The following PRSS23 variants were observed in gnomAD, a reference collection of about 807,000 sequenced individuals.
PRSS23 encodes the protein protease, serine 23.
PRSS23 carries 25 observed loss-of-function variants against 34.7 expected under a neutral mutation model. The observed-to-expected ratio is 0.72, with a 90% confidence interval of 0.53 to 1.01. The LOEUF is 1.01. Ranked by LOEUF, PRSS23 falls within the 50% of genes least tolerant of loss-of-function variation. PRSS23 has a pLI of 0.00. For missense variants in PRSS23, 445 were observed against 475.6 expected, an observed-to-expected ratio of 0.94 and a Z score of 0.60; for synonymous variants, 176 against 186.6, an observed-to-expected ratio of 0.94 and a Z score of 0.46.
rs533053203 is a variant in PRSS23 at position 86,884,530 on chromosome 11, CCTCAGGTGAT to C, written c.206+60940_206+60949del. On this transcript the variant is annotated intron_variant, in intron 2 of 2. Transcript: ENST00000533902. The stretch of plus-strand genomic sequence containing the variant: ...GGCCAAGCTGGTCTCGAACTCCTGA[CCTCAGGTGAT>C]CTGCCCCCAACCTGGCCTCCCAAAG... Among the ~76,000 whole-genome samples the C allele has an allele frequency of 1.3e-3, 196 of 152,280 alleles. 1 individual carries two copies. The highest frequency in any genetic ancestry group is 2.6e-4 in the Non-Finnish European group (18 of 68,026).
intron 2 of PRSS23, among the ~76,000 whole-genome samples, chr11:86,916,052 C>A (rs1409726645): frequency 6.6e-6 from 1 of 152,038 alleles, no homozygotes; most frequent in Admixed American, 6.6e-5. Context: ...AGGACTCTGT[C>A]TCAAAACAAA....
Position 86,939,423 on chromosome 11 carries a change from TA to T in PRSS23, c.207-11792del, listed in dbSNP as rs573740719. Among the ~76,000 whole-genome samples, 280 of 100,418 alleles carry T rather than the reference TA, an allele frequency of 2.8e-3. 3 individuals carry two copies. The highest frequency in any genetic ancestry group is 0.012 in the South Asian group (36 of 3,104). The allele number at this position is 100,418 out of a possible 152,430, so 65.9% of individuals were successfully genotyped here. ...AAAAAAATATATATATATATATATA[TA>T]TATTTTTTAACATGAGTAAAAATTG... On this transcript the variant is annotated intron_variant, in intron 2 of 2. Transcript: ENST00000533902.
chr11:86,911,336 T>C (rs1289347385), intron 2 of PRSS23: 1 of 152,202 alleles, frequency 6.6e-6, no homozygotes, highest in Non-Finnish European at 1.5e-5. Context: ...TATAAATACA[T>C]GGGGTACATG....
intron 2 of PRSS23, chr11:86,832,659 A>G (rs1316327328): frequency 4.6e-6 from 2 of 431,452 alleles, no homozygotes; most frequent in Non-Finnish European, 9.1e-6. Flanking sequence ...CTGGGGGAAG[A>G]TGACACATCT....
At chr11:86,936,276 AT>A (rs200032295) in intron 2 of PRSS23, 4 of 151,032 alleles carry the variant, frequency 2.6e-5, no homozygotes, top group Admixed American at 1.3e-4. Flanking sequence ...CAATTACTTT[AT>A]TTTTTTTTGA....
In PRSS23 at chr11:86,808,691, G is replaced by A; in HGVS notation, c.1048G>A (p.Gly350Ser). 6.2e-7 allele frequency: 1 copy of A among 1,614,138 alleles called. No individual in the cohort carries two copies. Residue 350 changes from glycine to serine, a missense_variant, in exon 2 of 2, where the codon GGT (glycine) becomes AGT (serine). Gly to Ser is a moderately conservative substitution (Grantham distance 56, BLOSUM62 0). Coordinates refer to ENST00000280258, the MANE Select transcript of PRSS23 (RefSeq NM_007173.6). Reference protein sequence around the residue: ...FSGHQWVDMNGSPQDFNVAVR... With the variant: ...FSGHQWVDMNSSPQDFNVAVR... ...AGGGCACCAGTGGGTGGACATGAATGGTTCCCCACAGGATTTCAACGTGGC... is the reference window on the plus strand; with the variant it reads ...AGGGCACCAGTGGGTGGACATGAATAGTTCCCCACAGGATTTCAACGTGGC...
At chr11:86,852,392 T>C (rs1312342076) in intron 2 of PRSS23, among the ~76,000 whole-genome samples, 2 of 152,154 alleles carry the variant, frequency 1.3e-5, no homozygotes, top group South Asian at 2.1e-4. Context: ...GATTTCCTCA[T>C]AATAATGCAA....
At chr11:86,863,680 G>A (rs1419299524) in intron 2 of PRSS23, among the ~76,000 whole-genome samples, 1 of 152,140 alleles carries the variant, frequency 6.6e-6, no homozygotes, top group Non-Finnish European at 1.5e-5. Context: ...CCACTTACCA[G>A]ATTTTCCTGG....
At chr11:86,886,776 T>A (rs997354609) in intron 2 of PRSS23, among the ~76,000 whole-genome samples, 2 of 151,940 alleles carry the variant, frequency 1.3e-5, no homozygotes, top group African/African-American at 4.8e-5. Context: ...CCATCTTTAC[T>A]AAAAATACAA....
At chr11:86,913,850 G>A (rs1235673460) in intron 2 of PRSS23, among the ~76,000 whole-genome samples, 1 of 151,292 alleles carries the variant, frequency 6.6e-6, no homozygotes, top group Non-Finnish European at 1.5e-5. Context: ...GGGAGTGATA[G>A]GACAACAGGG....
At chr11:86,830,369 AC>A (rs1352997966) in intron 2 of PRSS23, among the ~76,000 whole-genome samples, 9 of 152,016 alleles carry the variant, frequency 5.9e-5, no homozygotes, top group African/African-American at 2.2e-4. Flanking sequence ...GGTGGGAGTG[AC>A]CCGATTTTCC....
At chr11:86,867,828 G>A (rs1948659936) in intron 2 of PRSS23, among the ~76,000 whole-genome samples, 1 of 144,496 alleles carries the variant, frequency 6.9e-6, no homozygotes, top group Non-Finnish European at 1.5e-5. Flanking sequence ...AGTGAGCTGA[G>A]GTTGTGCCAC....
chr11:86,861,683 A>AC (rs1948616499), intron 2 of PRSS23, among the ~76,000 whole-genome samples: 1 of 149,162 alleles, frequency 6.7e-6, no homozygotes. Flanking sequence ...TTTTTATTCT[A>AC]CCCAAGGGGG....
chr11:86,876,677 C>A (rs1044087215), intron 2 of PRSS23, among the ~76,000 whole-genome samples: 1 of 151,908 alleles, frequency 6.6e-6, no homozygotes, highest in African/African-American at 2.4e-5. Flanking sequence ...ATTCGTGATT[C>A]CTATGCTCAT....
chr11:86,803,017 G>A (rs1348005262), intron 1 of PRSS23, among the ~76,000 whole-genome samples: 1 of 152,150 alleles, frequency 6.6e-6, no homozygotes, highest in Non-Finnish European at 1.5e-5. Flanking sequence ...AATAGTTTCT[G>A]TATTACTAAG....
intron 1 of PRSS23, among the ~76,000 whole-genome samples, chr11:86,804,300 T>C (rs1565349024): frequency 6.6e-6 from 1 of 152,214 alleles, no homozygotes; most frequent in South Asian, 2.1e-4. Context: ...CTAATCAGTT[T>C]GAAGTAATTT....
At chr11:86,896,743 T>C (rs1355311574) in intron 2 of PRSS23, among the ~76,000 whole-genome samples, 2 of 152,244 alleles carry the variant, frequency 1.3e-5, no homozygotes, top group Non-Finnish European at 2.9e-5. Context: ...TCTTCTTGGA[T>C]CAAATTCATC....
At chr11:86,806,647 T>C (rs58399373) in intron 1 of PRSS23, among the ~76,000 whole-genome samples, 16,496 of 152,312 alleles carry the variant, frequency 0.11, 1,047 homozygotes, top group Non-Finnish European at 0.13. Context: ...ACTCCCACAA[T>C]TGGCCTCAAG....
chr11:86,873,935 CTGTGT>C (rs1265371728), intron 2 of PRSS23, among the ~76,000 whole-genome samples: 2 of 152,094 alleles, frequency 1.3e-5, no homozygotes, highest in Non-Finnish European at 2.9e-5. Flanking sequence ...TGTGAAGTTC[CTGTGT>C]TATTCTGAGT....
Sources: allele counts gnomAD v4.1 joint callset (sites outside exome capture counted in the v4.1 genomes callset), GRCh38; gene constraint gnomAD v4.1.1; transcripts MANE v1.5; gene names NCBI Gene and HGNC (gene_info 2026-07-23, HGNC 2026-07-21).